Variants in ARHGAP28 observed in about 807,000 individuals in gnomAD.
ARHGAP28 encodes rho GTPase-activating protein 28.
A neutral mutation model predicts 90.7 loss-of-function variants in ARHGAP28; 56 were observed. That is an observed-to-expected ratio of 0.62 (90% confidence interval 0.50 to 0.77). The LOEUF is 0.77. ARHGAP28 is among the 30% of genes least tolerant of loss of function. ARHGAP28 has a pLI of 0.00. For missense variants in ARHGAP28, 869 were observed against 900.9 expected (o/e 0.96, Z 0.45); for synonymous variants, 308 against 323.3 (o/e 0.95, Z 0.51).
chr18:6,748,974 T>C (rs908703612), intron 1 of ARHGAP28, among the ~76,000 whole-genome samples: 2 of 152,214 alleles, frequency 1.3e-5, no homozygotes, highest in Non-Finnish European at 2.9e-5. Context: ...TATTTGTTTA[T>C]GTAAATGTTT....
intron 1 of ARHGAP28, among the ~76,000 whole-genome samples, chr18:6,763,081 G>T (rs1600161647): frequency 6.6e-6 from 1 of 151,448 alleles, no homozygotes. Context: ...GAGAGGGATG[G>T]TTGTTTGTTT....
chr18:6,778,769 A>G (rs997702073), intron 1 of ARHGAP28, among the ~76,000 whole-genome samples: 6 of 152,118 alleles, frequency 3.9e-5, no homozygotes, highest in Admixed American at 6.6e-5. Flanking sequence ...ATTCTCTTTT[A>G]AAGACCTTTT....
At chr18:6,894,633 A>G (rs559292054) in intron 14 of ARHGAP28, among the ~76,000 whole-genome samples, 2 of 152,368 alleles carry the variant, frequency 1.3e-5, no homozygotes, top group South Asian at 2.1e-4. Context: ...ACAAACATCT[A>G]TATACATCAT....
At position 6,914,162 on chromosome 18, in the gene ARHGAP28, A is replaced by G. The variant is rs1600319834; in HGVS notation, c.*2008A>G. The G allele has an allele frequency of 2.6e-5, 4 of 152,326 alleles. No homozygotes were observed. The South Asian group carries it at 8.3e-4, about 32-fold the overall frequency. The allele number at this position is 152,326 out of a possible 1,614,324, so 9.4% of individuals were successfully genotyped here. A position where few individuals can be genotyped will look rare whatever the true frequency, so the allele number is the denominator to read the frequency against. Reference sequence around the variant, plus strand: ...TTTTATTTCTTTTGACTGAAAACACATTAGAACCTATGAGTAAATTCTGAA... The same window carrying G: ...TTTTATTTCTTTTGACTGAAAACACGTTAGAACCTATGAGTAAATTCTGAA... On this transcript the variant is annotated 3_prime_UTR_variant, in exon 18 of 18. Transcript: ENST00000383472.
rs373692646 is a variant in ARHGAP28, at chr18:6,804,030, C to T, written c.123-20732C>T. 2.6e-5 allele frequency among the ~76,000 whole-genome samples: 4 copies of T among 152,294 alleles called. 1 individual carries two copies. The highest frequency in any genetic ancestry group is 4.1e-4 in the South Asian group (2 of 4,828). Reference sequence around the variant, plus strand: ...TCCTGACCTTGTGATCCACCTGCCTCGGCCTCCCAAAGTGCTGGGATTACA... The same window carrying T: ...TCCTGACCTTGTGATCCACCTGCCTTGGCCTCCCAAAGTGCTGGGATTACA... On this transcript the variant is annotated intron_variant, in intron 1 of 17. Transcript: ENST00000383472.
intron 16 of ARHGAP28, among the ~76,000 whole-genome samples, chr18:6,907,463 A>G (rs1031445964): frequency 1.3e-4 from 19 of 151,852 alleles, no homozygotes; most frequent in Admixed American, 6.6e-5. Flanking sequence ...CATCTATACC[A>G]TGGAATACTA....
rs375913012 is a variant in ARHGAP28 at position 6,824,856 on chromosome 18, G to C, written c.217G>C (p.Val73Leu). Residue 73 changes from valine to leucine, a missense_variant, in exon 2 of 18, where the codon GTA becomes CTA. Coordinates refer to ENST00000383472, the MANE Select transcript of ARHGAP28 (RefSeq NM_001366230.1). ...AFSRSNSEAS[V>L]DSASMEDFWR... The stretch of plus-strand genomic sequence containing the variant: ...CAGCCGTTCCAACTCAGAAGCCTCC[G>C]TAGACAGCGCCTCCATGGAGGATTT... 30 of 1,536,314 alleles carry C rather than the reference G, an allele frequency of 2.0e-5. No homozygotes were observed. The South Asian group carries it at 2.5e-4, about 13-fold the overall frequency.
intron 1 of ARHGAP28, among the ~76,000 whole-genome samples, chr18:6,812,975 A>G (rs1032734790): frequency 5.9e-5 from 9 of 152,190 alleles, no homozygotes; most frequent in African/African-American, 2.2e-4. Flanking sequence ...TCTGATGATG[A>G]ACAGTGTTTT....
At chr18:6,814,043 A>C (rs1180343589) in intron 1 of ARHGAP28, among the ~76,000 whole-genome samples, 1 of 152,180 alleles carries the variant, frequency 6.6e-6, no homozygotes, top group Non-Finnish European at 1.5e-5. Flanking sequence ...GTTATTCTCC[A>C]GGGGACCCTA....
chr18:6,742,948 C>A (rs942318094), intron 1 of ARHGAP28, among the ~76,000 whole-genome samples: 1 of 152,112 alleles, frequency 6.6e-6, no homozygotes, highest in Non-Finnish European at 1.5e-5. Context: ...AAATCATCCA[C>A]CAGATTAAGT....
intron 14 of ARHGAP28, among the ~76,000 whole-genome samples, chr18:6,892,547 C>A (rs1567985180): frequency 2.0e-5 from 3 of 151,966 alleles, no homozygotes; most frequent in African/African-American, 7.3e-5. Context: ...ATTTCCTTGA[C>A]TTTTTTTTAC....
chr18:6,907,942 T>C (rs898807442), intron 16 of ARHGAP28, among the ~76,000 whole-genome samples: 1 of 152,044 alleles, frequency 6.6e-6, no homozygotes, highest in Non-Finnish European at 1.5e-5. Flanking sequence ...TTCCTCACAG[T>C]GGAGAGGCCA....
intron 1 of ARHGAP28, among the ~76,000 whole-genome samples, chr18:6,761,055 C>T (rs2056155485): frequency 6.6e-6 from 1 of 151,708 alleles, no homozygotes; most frequent in Non-Finnish European, 1.5e-5. Context: ...CGTAAACATA[C>T]ACAAAACAGC....
chr18:6,907,394 GA>G (rs201812761), intron 16 of ARHGAP28, among the ~76,000 whole-genome samples: 1,561 of 136,818 alleles, frequency 0.011, 25 homozygotes, highest in African/African-American at 0.037. Context: ...TCAAAAACTG[GA>G]AAAAAAAAAA....
intron 1 of ARHGAP28, among the ~76,000 whole-genome samples, chr18:6,732,398 C>A (rs1158180149): frequency 6.6e-6 from 1 of 152,106 alleles, no homozygotes; most frequent in Admixed American, 6.5e-5. Context: ...TGGCCCTTTA[C>A]CTTTCAAACC....
At chr18:6,905,256 G>T (rs1417239630) in intron 16 of ARHGAP28, among the ~76,000 whole-genome samples, 1 of 151,710 alleles carries the variant, frequency 6.6e-6, no homozygotes, top group Admixed American at 6.6e-5. Context: ...ATGCAAGGTT[G>T]ATTTAACATT....
chr18:6,857,715 G>A (rs2056964872), intron 4 of ARHGAP28, among the ~76,000 whole-genome samples: 4 of 152,218 alleles, frequency 2.6e-5, no homozygotes, highest in African/African-American at 9.7e-5. Context: ...AGGACACAGT[G>A]TGTGAAAGGT....
At chr18:6,780,918 C>G (rs1050104502) in intron 1 of ARHGAP28, among the ~76,000 whole-genome samples, 1 of 151,314 alleles carries the variant, frequency 6.6e-6, no homozygotes, top group African/African-American at 2.4e-5. Flanking sequence ...AAAATTCAAT[C>G]AGTCTTGTAA....
chr18:6,824,702 G>A (rs1176097361), intron 1 of ARHGAP28, 60 bp from the exon 2 acceptor site: 10 of 1,341,624 alleles, frequency 7.5e-6, no homozygotes, highest in African/African-American at 1.5e-5. Context: ...ATTTAATTTT[G>A]TGGCTTTATA....
Sources: allele counts gnomAD v4.1 joint callset (sites outside exome capture counted in the v4.1 genomes callset), GRCh38; gene constraint gnomAD v4.1.1; transcripts MANE v1.5; gene names NCBI Gene and HGNC (gene_info 2026-07-23, HGNC 2026-07-21).